MYRFL: variants seen among roughly 807,000 people sequenced by gnomAD.
MYRFL encodes the protein myelin regulatory factor like, also known as myelin regulatory factor-like protein.
A neutral mutation model predicts 109.4 loss-of-function variants in MYRFL; 88 were observed. That is an observed-to-expected ratio of 0.80 (90% CI 0.68 to 0.96). The LOEUF (loss-of-function observed/expected upper bound fraction) is 0.96. Among genes scored for constraint, MYRFL ranks in the 40% least tolerant of loss-of-function variants. MYRFL has a pLI of 0.00. For missense variants in MYRFL, 957 were observed against 954.9 expected, an observed-to-expected ratio of 1.00 and a Z score of -0.03; for synonymous variants, 324 against 320.9, an observed-to-expected ratio of 1.01 and a Z score of -0.10.
intron 6 of MYRFL, among the ~76,000 whole-genome samples, chr12:69,889,675 G>A (rs886659905): frequency 3.3e-5 from 5 of 152,134 alleles, no homozygotes; most frequent in Non-Finnish European, 5.9e-5. Context: ...CCAACATGGC[G>A]AAACCCCATC....
intron 7 of MYRFL, among the ~76,000 whole-genome samples, 183 bp downstream of exon 7, chr12:69,891,349 C>T (rs1383162584): frequency 6.6e-6 from 1 of 152,212 alleles, no homozygotes; most frequent in African/African-American, 2.4e-5. Context: ...AAGTCATCAA[C>T]TGGGGCAGCT....
chr12:69,886,231 T>C (rs189627352), intron 5 of MYRFL, among the ~76,000 whole-genome samples: 1 of 152,288 alleles, frequency 6.6e-6, no homozygotes, highest in African/African-American at 2.4e-5. Flanking sequence ...GATGACACCA[T>C]GAGGACTGGT....
intron 5 of MYRFL, among the ~76,000 whole-genome samples, chr12:69,880,955 T>G (rs1402866622): frequency 1.5e-5 from 2 of 135,354 alleles, no homozygotes; most frequent in East Asian, 2.1e-4. Context: ...CTTCCTGTTT[T>G]TTTTTTTTTT....
chr12:69,861,776 G>T (rs1437933133), intron 2 of MYRFL, among the ~76,000 whole-genome samples: 46 of 138,106 alleles, frequency 3.3e-4, no homozygotes, highest in South Asian at 1.4e-3. Context: ...GTCAATTTTG[G>T]CTTTTGTTGC....
chr12:69,887,076 C>A, intron 6 of MYRFL, 106 bp downstream of exon 6: 1 of 1,172,306 alleles, frequency 8.5e-7, no homozygotes, highest in Non-Finnish European at 1.2e-6. Context: ...TCAAGTGGGG[C>A]AAATCAGTGA....
chr12:69,945,641 T>C (rs372012744), intron 19 of MYRFL, among the ~76,000 whole-genome samples: 160 of 152,298 alleles, frequency 1.1e-3, no homozygotes, highest in African/African-American at 3.7e-3. Flanking sequence ...ATAGCCCTTA[T>C]TAAACCAGAT....
chr12:69,949,887 A>C (rs980585428), intron 19 of MYRFL, among the ~76,000 whole-genome samples: 1 of 152,178 alleles, frequency 6.6e-6, no homozygotes, highest in Admixed American at 6.5e-5. Context: ...ATTCCTATCC[A>C]CAAGCTGAGT....
chr12:69,851,595 A>G (rs928936865), intron 1 of MYRFL, among the ~76,000 whole-genome samples: 6 of 152,244 alleles, frequency 3.9e-5, no homozygotes, highest in African/African-American at 1.4e-4. Context: ...CAACATTAAC[A>G]TCAGTCATAA....
At chr12:69,853,060 C>T (rs1883986156) in intron 1 of MYRFL, among the ~76,000 whole-genome samples, 1 of 152,256 alleles carries the variant, frequency 6.6e-6, no homozygotes, top group Non-Finnish European at 1.5e-5. Flanking sequence ...TTCGACAAAA[C>T]CACCATCGTC....
At chr12:69,843,199 C>T (rs902475864) in intron 1 of MYRFL, among the ~76,000 whole-genome samples, 1 of 152,192 alleles carries the variant, frequency 6.6e-6, no homozygotes, top group Non-Finnish European at 1.5e-5. Context: ...TTTTCTTCCT[C>T]TCCTCTTCCT....
chr12:69,911,267 T>C (rs1954560354), intron 13 of MYRFL, among the ~76,000 whole-genome samples: 1 of 152,192 alleles, frequency 6.6e-6, no homozygotes, highest in Non-Finnish European at 1.5e-5. Flanking sequence ...ACAAAAAAGT[T>C]TTAATTAGAC....
At chr12:69,938,155 T>C (rs1245703981) in intron 19 of MYRFL, among the ~76,000 whole-genome samples, 1 of 152,100 alleles carries the variant, frequency 6.6e-6, no homozygotes, top group African/African-American at 2.4e-5. Flanking sequence ...TCAGTCATCT[T>C]ATTCTCAATA....
At chr12:69,949,172 G>A (rs772948857) in intron 19 of MYRFL, among the ~76,000 whole-genome samples, 1 of 151,468 alleles carries the variant, frequency 6.6e-6, no homozygotes, top group African/African-American at 2.4e-5. Flanking sequence ...AGGAGTGATT[G>A]TCCCCAAGTA....
At chr12:69,859,634 G>T (rs1359280485) in intron 2 of MYRFL, among the ~76,000 whole-genome samples, 1 of 152,120 alleles carries the variant, frequency 6.6e-6, no homozygotes, top group Non-Finnish European at 1.5e-5. Context: ...TTTCTCAAAA[G>T]AAGACATTTA....
Position 69,911,582 on chromosome 12 carries a change from C to G in MYRFL, c.1602+652C>G, listed in dbSNP as rs189890692. Among the ~76,000 whole-genome samples, 120 of 152,214 alleles carry G rather than the reference C, an allele frequency of 7.9e-4. 1 individual carries two copies. The South Asian group carries it at 0.015, about 19-fold the overall frequency. On this transcript the variant is annotated intron_variant, in intron 13 of 24. Transcript: ENST00000552032. ...ATGCCATCATGCCTGTAGATTAGCT[C>G]GTCTTCATTTGGTAATGGGTCTAAA...
In MYRFL at chr12:69,895,482, G is replaced by T. The variant is rs1355207809; in HGVS notation, c.1091+1G>T. ...AGGGAAAACCAAATCCAGACCAGAGGTACTGATGTCACTGTGTGCATGGCA... is the reference window on the plus strand; with the variant it reads ...AGGGAAAACCAAATCCAGACCAGAGTTACTGATGTCACTGTGTGCATGGCA... On this transcript the variant is annotated splice_donor_variant, in intron 9 of 24. Transcript: ENST00000552032. LOFTEE classifies it high-confidence loss of function. 2 of 1,534,742 alleles carry T rather than the reference G, an allele frequency of 1.3e-6. No individual in the cohort carries two copies. The highest frequency in any genetic ancestry group is 1.7e-4 in the Middle Eastern group (1 of 6,004).
At chr12:69,871,937 T>C (rs1885378488) in intron 2 of MYRFL, among the ~76,000 whole-genome samples, 1 of 152,274 alleles carries the variant, frequency 6.6e-6, no homozygotes, top group Non-Finnish European at 1.5e-5. Context: ...TTTTTGGTTC[T>C]ATCAACTTGT....
chr12:69,904,010 G>T, intron 11 of MYRFL, 166 bp downstream of exon 11: 1 of 596,256 alleles, frequency 1.7e-6, no homozygotes, highest in Non-Finnish European at 2.7e-6. Context: ...GGGCATCTCT[G>T]CTGAAATTGT....
At position 69,871,231 on chromosome 12, in the gene MYRFL, CTTTTTT is replaced by C. The variant is rs58723853; in HGVS notation, c.138-7783_138-7778del. 7.5e-4 allele frequency among the ~76,000 whole-genome samples: 94 copies of C among 124,742 alleles called. 1 individual carries two copies. The highest frequency in any genetic ancestry group is 6.0e-4 in the African/African-American group (21 of 34,886). The allele number at this position is 124,742 out of a possible 152,430, so 81.8% of individuals were successfully genotyped here. On this transcript the variant is annotated intron_variant, in intron 2 of 24. Transcript: ENST00000552032. ...ACTTTCCAACTCTTTTTGGATATTT[CTTTTTT>C]TTTTTTTTTTTTTGAGATGGAGTCT...
Sources: gnomAD v4.1 joint callset for allele counts (sites outside exome capture counted in the v4.1 genomes callset) on GRCh38, gnomAD v4.1.1 for gene constraint, MANE v1.5 for transcripts, NCBI Gene and HGNC (gene_info 2026-07-23, HGNC 2026-07-21) for gene names.